Variants in PECAM1 observed in about 807,000 individuals in gnomAD.
PECAM1 encodes the protein platelet and endothelial cell adhesion molecule 1.
A neutral mutation model predicts 13.8 loss-of-function variants in PECAM1; 8 were observed. The observed-to-expected ratio is 0.58, with a 90% CI of 0.34 to 1.05. The LOEUF (loss-of-function observed/expected upper bound fraction) is 1.05, where lower values mean the gene tolerates loss of function less well. Ranked by LOEUF, PECAM1 falls within the 50% of genes least tolerant of loss-of-function variation. PECAM1 has a pLI of 0.03. For synonymous variants in PECAM1, 136 were observed against 52.6 expected (o/e 2.58, Z -6.86); for missense variants, 304 against 141.2 (o/e 2.15, Z -5.84).
At chr17:64,352,316 C>G (rs1282088255) in intron 11 of PECAM1, 74 bp downstream of exon 11, 2 of 448,606 alleles carry the variant, frequency 4.5e-6, no homozygotes, top group African/African-American at 2.0e-5. Context: ...CTTACATATT[C>G]TGCTTCTGAG....
chr17:64,390,658 G>A lies in PECAM1; in HGVS notation c.8C>T (p.Pro3Leu), dbSNP rs999823352. 60 of 467,860 alleles carry A rather than the reference G, an allele frequency of 1.3e-4. No homozygotes were observed. The highest frequency in any genetic ancestry group is 8.7e-4 in the African/African-American group (44 of 50,534). The allele number at this position is 467,860 out of a possible 1,614,324, so 29.0% of individuals were successfully genotyped here. The change falls in exon 1 of 16, where the codon CCG becomes CTG. Residue 3 changes from proline (P) to leucine (L), a missense_variant. By Grantham distance (98) the Pro-to-Leu change is moderately conservative (BLOSUM62 -3). Transcript: ENST00000563924. MQ[P>L]RWAQGATMWL... ...CATCGTGGCCCCTTGGGCCCACCTC[G>A]GCTGCATCCTGAGAGTGAAGACTGC...
At chr17:64,332,541 T>C (rs575483288) in intron 14 of PECAM1, among the ~76,000 whole-genome samples, 1 of 152,326 alleles carries the variant, frequency 6.6e-6, no homozygotes, top group South Asian at 2.1e-4. Flanking sequence ...CATTTTTTCA[T>C]GGGGATACTT....
At chr17:64,358,440 C>T (rs2035897550) in intron 7 of PECAM1, among the ~76,000 whole-genome samples, 1 of 152,054 alleles carries the variant, frequency 6.6e-6, no homozygotes, top group Non-Finnish European at 1.5e-5. Flanking sequence ...TTTGAAGTGC[C>T]CCATGGGACC....
intron 5 of PECAM1, among the ~76,000 whole-genome samples, chr17:64,367,453 G>A (rs1421032984): frequency 2.0e-5 from 3 of 151,782 alleles, no homozygotes; most frequent in Non-Finnish European, 2.9e-5. Flanking sequence ...GGGAGGCTGA[G>A]GCAGGAGAAT....
At chr17:64,335,067 C>T (rs1411772911) in intron 14 of PECAM1, among the ~76,000 whole-genome samples, 1 of 152,124 alleles carries the variant, frequency 6.6e-6, no homozygotes, top group Non-Finnish European at 1.5e-5. Flanking sequence ...GTTAGAAATG[C>T]ACGTTTTCGG....
intron 2 of PECAM1, among the ~76,000 whole-genome samples, chr17:64,383,961 C>G (rs2036537857): frequency 6.6e-6 from 1 of 152,010 alleles, no homozygotes; most frequent in African/African-American, 2.4e-5. Context: ...TGAAACCTAG[C>G]CTTTACTAAA....
chr17:64,356,100 C>T lies in PECAM1; in HGVS notation c.1780+11G>A. Reference sequence around the variant, plus strand: ...CCCACAGCACAGCTTGCTATGGAGACCCTGACTCACCTCTGACTGTCAGTA... The same window carrying T: ...CCCACAGCACAGCTTGCTATGGAGATCCTGACTCACCTCTGACTGTCAGTA... On this transcript the variant is annotated intron_variant, in intron 8 of 15. Coordinates refer to ENST00000563924, the MANE Select transcript of PECAM1 (RefSeq NM_000442.5). 1 of 475,172 alleles carries T rather than the reference C, an allele frequency of 2.1e-6. No individual in the cohort carries two copies. The highest frequency in any genetic ancestry group is 3.9e-6 in the Non-Finnish European group (1 of 259,148). 29.4% of individuals were successfully genotyped at this position (475,172 alleles called of 1,614,324 possible). A position where few individuals can be genotyped will look rare whatever the true frequency, so the allele number is the denominator to read the frequency against.
At chr17:64,373,094 A>G (rs2036278231) in intron 4 of PECAM1, among the ~76,000 whole-genome samples, 1 of 150,100 alleles carries the variant, frequency 6.7e-6, no homozygotes, top group African/African-American at 2.4e-5. Context: ...CCTGGGCAAC[A>G]AGAGTGAAAC....
chr17:64,377,398 G>A (rs1182515741), intron 3 of PECAM1, among the ~76,000 whole-genome samples: 1 of 151,876 alleles, frequency 6.6e-6, no homozygotes, highest in Non-Finnish European at 1.5e-5. Context: ...GATCACTTGA[G>A]GTCAGGAGTT....
chr17:64,366,745 C>A (rs2036114971), intron 5 of PECAM1, among the ~76,000 whole-genome samples: 2 of 145,194 alleles, frequency 1.4e-5, no homozygotes, highest in South Asian at 2.2e-4. Context: ...AACACCGCAT[C>A]TTCTCACTCA....
intron 11 of PECAM1, among the ~76,000 whole-genome samples, chr17:64,350,705 G>A (rs1287810149): frequency 3.4e-5 from 5 of 148,098 alleles, no homozygotes; most frequent in Non-Finnish European, 7.4e-5. Flanking sequence ...GCAGTGGTGC[G>A]ATCCCGGCTC....
intron 5 of PECAM1, among the ~76,000 whole-genome samples, chr17:64,366,610 G>C (rs1199388038): frequency 6.6e-6 from 1 of 152,006 alleles, no homozygotes; most frequent in Non-Finnish European, 1.5e-5. Context: ...TTAAGAAAAT[G>C]TGGCACATAT....
chr17:64,369,093 C>T (rs1419908806), intron 5 of PECAM1, among the ~76,000 whole-genome samples: 1 of 151,654 alleles, frequency 6.6e-6, no homozygotes, highest in South Asian at 2.1e-4. Flanking sequence ...TGCTGCCATG[C>T]CCAGCTAATT....
At chr17:64,327,391 G>C (rs1490875558) in intron 15 of PECAM1, among the ~76,000 whole-genome samples, 1 of 152,222 alleles carries the variant, frequency 6.6e-6, no homozygotes, top group East Asian at 1.9e-4. Context: ...CCACTTTATA[G>C]ATAAGGAAGC....
At chr17:64,357,868 G>C (rs2035880428) in intron 7 of PECAM1, among the ~76,000 whole-genome samples, 1 of 152,096 alleles carries the variant, frequency 6.6e-6, no homozygotes, top group Non-Finnish European at 1.5e-5. Context: ...GTACCATGAG[G>C]TCTGAAGTCA....
chr17:64,347,139 T>A (rs1373708432), intron 13 of PECAM1, among the ~76,000 whole-genome samples: 1 of 151,830 alleles, frequency 6.6e-6, no homozygotes, highest in Non-Finnish European at 1.5e-5. Context: ...GAGACAAAAG[T>A]GGGCAGATTG....
chr17:64,360,443 A>G, intron 6 of PECAM1, 28 bp from the exon 7 acceptor site: 1 of 473,776 alleles, frequency 2.1e-6, no homozygotes, highest in Non-Finnish European at 3.9e-6. Flanking sequence ...ACAATCCAAA[A>G]GGCACTGAAG....
intron 2 of PECAM1, among the ~76,000 whole-genome samples, chr17:64,385,071 C>T (rs1436049765): frequency 6.6e-6 from 1 of 152,164 alleles, no homozygotes; most frequent in African/African-American, 2.4e-5. Context: ...CAATTGTGTG[C>T]AAATGTGTGC....
intron 15 of PECAM1, among the ~76,000 whole-genome samples, chr17:64,325,989 T>A (rs1315957594): frequency 6.6e-6 from 1 of 152,076 alleles, no homozygotes; most frequent in Non-Finnish European, 1.5e-5. Flanking sequence ...GTATAAGAGG[T>A]CTCAACAAAC....
Sources: gnomAD v4.1 joint callset for allele counts (sites outside exome capture counted in the v4.1 genomes callset) on GRCh38, gnomAD v4.1.1 for gene constraint, MANE v1.5 for transcripts, NCBI Gene and HGNC (gene_info 2026-07-23, HGNC 2026-07-21) for gene names.